GABBR2: variants seen among roughly 807,000 people sequenced by gnomAD.
GABBR2 encodes gamma-aminobutyric acid type B receptor subunit 2, also known as G-protein coupled receptor 51.
In GABBR2, 23 loss-of-function variants were observed where a neutral mutation model predicts 105.6. That is an observed-to-expected ratio of 0.22 (90% CI 0.16 to 0.31). The LOEUF (loss-of-function observed/expected upper bound fraction) is 0.31, where lower values mean the gene tolerates loss of function less well. Ranked by LOEUF, GABBR2 falls within the 10% of genes least tolerant of loss-of-function variation. The pLI is 1.00. For missense variants in GABBR2, 734 were observed against 1,245.5 expected, an observed-to-expected ratio of 0.59 and a Z score of 6.18; for synonymous variants, 478 against 499.7, an observed-to-expected ratio of 0.96 and a Z score of 0.58.
chr9:98,445,977 G>A (rs1296352708), intron 7 of GABBR2, among the ~76,000 whole-genome samples: 1 of 152,172 alleles, frequency 6.6e-6, no homozygotes, highest in Non-Finnish European at 1.5e-5. Context: ...AGGGAGAGCT[G>A]AGAGCAGATG....
At position 98,303,345 on chromosome 9, in the gene GABBR2, C is replaced by T. The variant is rs774224900; in HGVS notation, c.2308G>A (p.Asp770Asn). The change falls in exon 16 of 19, where the codon GAT becomes AAT. Residue 770 changes from aspartate (D) to asparagine (N), a missense_variant. Physicochemically the swap from Asp to Asn is conservative, Grantham distance 23. This residue lies in a region of GABBR2 where 91 missense variants were observed against 185.9 expected (regional missense o/e 0.49). Coordinates refer to ENST00000259455, the MANE Select transcript of GABBR2 (RefSeq NM_005458.8). ...GTGACCGAGGTGGACGTTTTAGAATCTTCTTTCTTCTGATTCTGAGTGAAC... is the reference window on the plus strand; with the variant it reads ...GTGACCGAGGTGGACGTTTTAGAATTTTCTTTCTTCTGATTCTGAGTGAAC... ...FQFTQNQKKEDSKTSTSVTSV... is the reference protein window; with the variant it reads ...FQFTQNQKKENSKTSTSVTSV... The T allele has an allele frequency of 6.2e-7, 1 of 1,614,182 alleles. No homozygotes were observed. The highest frequency in any genetic ancestry group is 8.5e-7 in the Non-Finnish European group (1 of 1,179,996).
chr9:98,302,956 A>T, intron 16 of GABBR2: 1 of 421,726 alleles, frequency 2.4e-6, no homozygotes, highest in Non-Finnish European at 4.2e-6. Context: ...GATAATCCAG[A>T]AGCTCACAAA....
intron 16 of GABBR2, among the ~76,000 whole-genome samples, chr9:98,301,950 C>T (rs914977464): frequency 5.0e-4 from 76 of 152,172 alleles, no homozygotes; most frequent in Admixed American, 3.3e-4. Flanking sequence ...CCCCAAAGGG[C>T]GGCCAGATCT....
chr9:98,327,729 CG>C (rs1243831152), intron 13 of GABBR2, among the ~76,000 whole-genome samples: 2 of 151,548 alleles, frequency 1.3e-5, no homozygotes, highest in Non-Finnish European at 2.9e-5. Flanking sequence ...ATTAGCCAGG[CG>C]TGATGGTGTG....
intron 9 of GABBR2, among the ~76,000 whole-genome samples, chr9:98,392,629 T>G (rs1335379609): frequency 6.6e-6 from 1 of 152,198 alleles, no homozygotes; most frequent in Non-Finnish European, 1.5e-5. Context: ...TCAAAGGGCC[T>G]GCGGAAGAGC....
rs1173218846 is a variant in GABBR2 at position 98,691,222 on chromosome 9, C to T, written c.321+17195G>A. On this transcript the variant is annotated intron_variant, in intron 1 of 18. Transcript: ENST00000259455. ...TTCCCATTCAGTGTTATCAGGCATC[C>T]GTGGAGTGCCTAGCTCCAGCTGGGG... Among the ~76,000 whole-genome samples the T allele has an allele frequency of 3.3e-5, 5 of 152,240 alleles. 1 individual carries two copies. In the East Asian group the frequency reaches 5.8e-4, roughly 18 times the overall value.
rs553945143 is a variant in GABBR2 at position 98,596,610 on chromosome 9, C to T, written c.322-18538G>A. 8.5e-5 allele frequency among the ~76,000 whole-genome samples: 13 copies of T among 152,256 alleles called. 1 individual carries two copies. In the South Asian group the frequency reaches 2.3e-3, roughly 27 times the overall value. On this transcript the variant is annotated intron_variant, in intron 1 of 18. Transcript: ENST00000259455. ...CCAGCCCTGCCATGGAAGGAGCCGGCGATGTGGTCACGACAGGACCATATG... is the reference window on the plus strand; with the variant it reads ...CCAGCCCTGCCATGGAAGGAGCCGGTGATGTGGTCACGACAGGACCATATG...
rs140500503 is a variant in GABBR2 at position 98,542,103 on chromosome 9, A to C, written c.460-60T>G. On this transcript the variant is annotated intron_variant, in intron 2 of 18. Coordinates refer to ENST00000259455, the MANE Select transcript of GABBR2 (RefSeq NM_005458.8). ...ATGAGCCTCACAGCTGTGACCCAGCATCTTTCCTACTGGAATAGAGACTGT... is the reference window on the plus strand; with the variant it reads ...ATGAGCCTCACAGCTGTGACCCAGCCTCTTTCCTACTGGAATAGAGACTGT... The C allele has an allele frequency of 3.4e-4, 484 of 1,430,374 alleles. 2 individuals are homozygous for C. In the African/African-American group the frequency reaches 6.4e-3, roughly 19 times the overall value. 88.6% of individuals were successfully genotyped at this position (1,430,374 alleles called of 1,614,324 possible). A position where few individuals can be genotyped will look rare whatever the true frequency, so the allele number is the denominator to read the frequency against.
rs1007192374 is a variant in GABBR2 at position 98,311,139 on chromosome 9, T to A, written c.1960A>T (p.Thr654Ser). 6.2e-7 allele frequency: 1 copy of A among 1,612,890 alleles called. No homozygotes were observed. Among genetic ancestry groups the A allele is most frequent in the African/African-American group, 1.3e-5 (1 of 74,854 alleles). ...GCATAGACGATGCCAAGCCAGATGGTCATATGGGTGTTCTCACAGTGCTCC... is the reference window on the plus strand; with the variant it reads ...GCATAGACGATGCCAAGCCAGATGGACATATGGGTGTTCTCACAGTGCTCC... Reference protein sequence around the residue: ...LLEHCENTHMTIWLGIVYAYK... With the variant: ...LLEHCENTHMSIWLGIVYAYK... Residue 654 changes from threonine to serine, a missense_variant, in exon 14 of 19, where the codon ACC (threonine) becomes TCC (serine). Around this residue, in one of 7 missense-constraint regions of GABBR2, gnomAD observed 52 missense variants for 81.3 expected, o/e 0.64. Transcript: ENST00000259455.
At chr9:98,337,237 G>A (rs919490622) in intron 13 of GABBR2, among the ~76,000 whole-genome samples, 5 of 152,112 alleles carry the variant, frequency 3.3e-5, no homozygotes, top group Admixed American at 2.6e-4. Context: ...CCCGGGAGGC[G>A]GAGGTTGCAG....
intron 2 of GABBR2, among the ~76,000 whole-genome samples, chr9:98,575,813 T>C (rs137902582): frequency 6.1e-4 from 93 of 152,284 alleles, no homozygotes; most frequent in Non-Finnish European, 1.1e-3. Context: ...CCTCTTCCTG[T>C]TGCATCCACC....
chr9:98,481,539 A>G (rs1826922879), intron 4 of GABBR2, among the ~76,000 whole-genome samples: 1 of 152,148 alleles, frequency 6.6e-6, no homozygotes, highest in Admixed American at 6.5e-5. Flanking sequence ...CCTGGAGCCT[A>G]CAGAGCTTCC....
intron 2 of GABBR2, among the ~76,000 whole-genome samples, chr9:98,546,010 T>C (rs902633013): frequency 1.3e-5 from 2 of 152,240 alleles, no homozygotes; most frequent in African/African-American, 4.8e-5. Context: ...TAGCCAAGGA[T>C]TTATTTCGGA....
chr9:98,503,872 C>T (rs1426820645), intron 3 of GABBR2, among the ~76,000 whole-genome samples: 1 of 152,136 alleles, frequency 6.6e-6, no homozygotes, highest in Non-Finnish European at 1.5e-5. Flanking sequence ...CCCTAACTGC[C>T]TCCTAAACCA....
At chr9:98,535,181 T>C (rs1264189393) in intron 3 of GABBR2, among the ~76,000 whole-genome samples, 1 of 152,110 alleles carries the variant, frequency 6.6e-6, no homozygotes, top group Non-Finnish European at 1.5e-5. Context: ...CACTGCAACC[T>C]CCACCTCTCA....
intron 17 of GABBR2, among the ~76,000 whole-genome samples, 196 bp from the exon 18 acceptor site, chr9:98,294,098 C>T (rs1259573597): frequency 6.6e-6 from 1 of 152,150 alleles, no homozygotes. Flanking sequence ...CTCCAGCAGT[C>T]AGGGATGGAA....
At chr9:98,541,819 T>A (rs1435566030) in intron 3 of GABBR2, 54 bp downstream of exon 3, 1 of 1,556,562 alleles carries the variant, frequency 6.4e-7, no homozygotes, top group Non-Finnish European at 8.8e-7. Context: ...TGCCTTTTGC[T>A]AGATGACAGC....
chr9:98,663,653 C>A (rs1361383950), intron 1 of GABBR2, among the ~76,000 whole-genome samples: 1 of 94,908 alleles, frequency 1.1e-5, no homozygotes, highest in African/African-American at 3.7e-5. Flanking sequence ...AGCAGCTGCC[C>A]CACTAAAAAA....
chr9:98,601,780 C>A (rs871744), intron 1 of GABBR2, among the ~76,000 whole-genome samples: 15,396 of 152,090 alleles, frequency 0.1, 2,172 homozygotes, highest in African/African-American at 0.32. Flanking sequence ...GTGAATGTTT[C>A]CTGGTTTGTT....
Sources: gnomAD v4.1 joint callset for allele counts (sites outside exome capture counted in the v4.1 genomes callset) on GRCh38, gnomAD v4.1.1 for gene constraint, gnomAD v4.1.1 regional missense constraint, MANE v1.5 for transcripts, NCBI Gene and HGNC (gene_info 2026-07-23, HGNC 2026-07-21) for gene names.